VGLL4: variants seen among roughly 807,000 people sequenced by gnomAD.
VGLL4 encodes the protein transcription cofactor vestigial-like protein 4.
A neutral mutation model predicts 21.0 loss-of-function variants in VGLL4; 7 were observed. The observed-to-expected ratio is 0.33, with a 90% confidence interval of 0.19 to 0.63. VGLL4 has a LOEUF of 0.63. Ranked by LOEUF, VGLL4 falls within the 20% of genes least tolerant of loss-of-function variation. VGLL4 has a pLI of 0.78. For missense variants in VGLL4, 394 were observed against 425.7 expected (o/e 0.93, Z 0.66); for synonymous variants, 222 against 173.2 (o/e 1.28, Z -2.21).
At chr3:11,562,688 C>T (rs1044591667) in intron 3 of VGLL4, among the ~76,000 whole-genome samples, 2 of 152,208 alleles carry the variant, frequency 1.3e-5, no homozygotes, top group East Asian at 1.9e-4. Context: ...CGAATGGTTA[C>T]GACATGAATG....
At chr3:11,682,093 T>C (rs563908603) in intron 2 of VGLL4, among the ~76,000 whole-genome samples, 1 of 152,196 alleles carries the variant, frequency 6.6e-6, no homozygotes, top group South Asian at 2.1e-4. Context: ...ATGCTGTCTC[T>C]AATAAAATTA....
Position 11,566,825 on chromosome 3 carries a change from T to C in VGLL4, c.273-1806A>G, listed in dbSNP as rs1026795538. Reference sequence around the variant, plus strand: ...GCCCCTCCTCACACACGGCAGCCTCTGAGGGCGTCGAGTCCCTCCTGTCTC... The same window carrying C: ...GCCCCTCCTCACACACGGCAGCCTCCGAGGGCGTCGAGTCCCTCCTGTCTC... On this transcript the variant is annotated intron_variant, in intron 2 of 4. Transcript: ENST00000430365. 3.3e-5 allele frequency among the ~76,000 whole-genome samples: 5 copies of C among 152,162 alleles called. No individual in the cohort carries two copies. In the East Asian group the frequency reaches 9.6e-4, roughly 29 times the overall value.
intron 2 of VGLL4, among the ~76,000 whole-genome samples, chr3:11,667,697 T>G (rs2076146883): frequency 6.6e-6 from 1 of 152,182 alleles, no homozygotes; most frequent in Admixed American, 6.6e-5. Flanking sequence ...ATTACAAATT[T>G]CTTCAAAAGG....
At chr3:11,578,678 G>C (rs1431783534) in intron 2 of VGLL4, among the ~76,000 whole-genome samples, 2 of 149,242 alleles carry the variant, frequency 1.3e-5, no homozygotes, top group Non-Finnish European at 3.0e-5. Flanking sequence ...TTGAAAATTT[G>C]AGTATTGAGT....
intron 2 of VGLL4, among the ~76,000 whole-genome samples, chr3:11,663,332 C>T (rs17035040): frequency 0.02 from 3,016 of 152,252 alleles, 93 homozygotes; most frequent in African/African-American, 0.065. Context: ...AATAAGTTGG[C>T]GTTTAAAGCT....
At position 11,629,640 on chromosome 3, in the gene VGLL4, G is replaced by A. The variant is rs1157753574; in HGVS notation, c.82+13797C>T. Among the ~76,000 whole-genome samples the A allele has an allele frequency of 5.9e-5, 9 of 151,800 alleles. 1 individual carries two copies. Among genetic ancestry groups the A allele is most frequent in the South Asian group, 2.1e-4 (1 of 4,828 alleles). On this transcript the variant is annotated intron_variant, in intron 1 of 4. Transcript: ENST00000430365. Reference sequence around the variant, plus strand: ...CAAGCGCCTGTAATCCCACCTACTCGGGAGGCTGAGGTAGGAGAATCACTT... The same window carrying A: ...CAAGCGCCTGTAATCCCACCTACTCAGGAGGCTGAGGTAGGAGAATCACTT...
At position 11,653,393 on chromosome 3, in the gene VGLL4, C is replaced by A. The variant is rs2075906934; in HGVS notation, c.64+49578G>T. ...TAGAAAGAGAATCGTATGATGCTAG[C>A]TACTCTTGTGGCTGGATTCCTTCAC... is the stretch of plus-strand genomic sequence containing the variant. On this transcript the variant is annotated intron_variant, in intron 2 of 5. Transcript: ENST00000273038. The surrounding 1 kb of genome is among the most constrained non-coding windows in gnomAD (Gnocchi z 4.2). Among the ~76,000 whole-genome samples, 1 of 152,182 alleles carries A rather than the reference C, an allele frequency of 6.6e-6. No individual in the cohort carries two copies. The highest frequency in any genetic ancestry group is 2.1e-4 in the South Asian group (1 of 4,822).
intron 2 of VGLL4, among the ~76,000 whole-genome samples, chr3:11,677,079 G>A (rs1486143611): frequency 5.3e-5 from 8 of 152,058 alleles, no homozygotes; most frequent in South Asian, 4.1e-4. Context: ...TAGTTTTATT[G>A]TTAAATATTT....
intron 2 of VGLL4, among the ~76,000 whole-genome samples, chr3:11,660,937 T>C (rs934159889): frequency 2.6e-5 from 4 of 152,162 alleles, no homozygotes; most frequent in Non-Finnish European, 4.4e-5. Flanking sequence ...GAGAAAAAGA[T>C]TGAATACCAA....
At chr3:11,704,897 C>T (rs955735076) in intron 1 of VGLL4, among the ~76,000 whole-genome samples, 6 of 152,174 alleles carry the variant, frequency 3.9e-5, no homozygotes, top group Admixed American at 3.9e-4. Flanking sequence ...CAGATGAATT[C>T]TGAAAGGCTT....
At chr3:11,697,475 A>G (rs1440092906) in intron 2 of VGLL4, among the ~76,000 whole-genome samples, 1 of 152,136 alleles carries the variant, frequency 6.6e-6, no homozygotes. Context: ...TGCTGAGAGA[A>G]AAGGAGAGAG....
chr3:11,599,029 G>A (rs1279611457), intron 2 of VGLL4, among the ~76,000 whole-genome samples: 1 of 152,154 alleles, frequency 6.6e-6, no homozygotes, highest in Non-Finnish European at 1.5e-5. Context: ...GCATGCTATA[G>A]CCCAAATAGG....
intron 2 of VGLL4, among the ~76,000 whole-genome samples, chr3:11,685,913 A>G (rs2076440790): frequency 6.6e-6 from 1 of 152,240 alleles, no homozygotes; most frequent in East Asian, 1.9e-4. Context: ...AATCAGCTAT[A>G]CAAATAGCCA....
At chr3:11,641,460 CA>C (rs1414538332) in intron 1 of VGLL4, among the ~76,000 whole-genome samples, 1 of 152,064 alleles carries the variant, frequency 6.6e-6, no homozygotes, top group Admixed American at 6.6e-5. Flanking sequence ...ACTTTTCCTA[CA>C]AAAAAATCCC....
At position 11,627,595 on chromosome 3, in the gene VGLL4, C is replaced by CA. The variant is rs57607183; in HGVS notation, c.82+15841dup. Among the ~76,000 whole-genome samples the CA allele has an allele frequency of 5.1e-3, 607 of 118,602 alleles. 6 individuals are homozygous for CA. Among genetic ancestry groups the CA allele is most frequent in the East Asian group, 0.027 (108 of 3,970 alleles). 77.8% of individuals were successfully genotyped at this position (118,602 alleles called of 152,430 possible). On this transcript the variant is annotated intron_variant, in intron 1 of 4. Transcript: ENST00000430365. ...GAGTGACAAGAGTGAAACTTCATCTCAAAAAAAAAAAAAAAAAAAAAAATC... is the reference window on the plus strand; with the variant it reads ...GAGTGACAAGAGTGAAACTTCATCTCAAAAAAAAAAAAAAAAAAAAAAAATC...
chr3:11,658,706 T>A (rs1029228109), intron 2 of VGLL4, among the ~76,000 whole-genome samples: 3 of 150,370 alleles, frequency 2.0e-5, no homozygotes, highest in African/African-American at 7.4e-5. Flanking sequence ...ATGCCCTAAA[T>A]TCTCACTCAT....
At chr3:11,619,507 TGC>T (rs2075224807) in intron 1 of VGLL4, among the ~76,000 whole-genome samples, 1 of 152,170 alleles carries the variant, frequency 6.6e-6, no homozygotes, top group Non-Finnish European at 1.5e-5. Flanking sequence ...GGGTGTGTAA[TGC>T]AATGAAGCTT....
intron 2 of VGLL4, among the ~76,000 whole-genome samples, chr3:11,651,030 G>C (rs947279784): frequency 6.6e-5 from 10 of 152,150 alleles, no homozygotes; most frequent in African/African-American, 1.9e-4. Flanking sequence ...ACTAAGACAA[G>C]GTTGTAAGAA....
At chr3:11,666,206 G>A (rs1575510905) in intron 2 of VGLL4, among the ~76,000 whole-genome samples, 5 of 150,634 alleles carry the variant, frequency 3.3e-5, no homozygotes, top group Admixed American at 2.7e-4. Context: ...GAGCCGAGAT[G>A]TGCCGCTGCA....
Sources: gnomAD v4.1 joint callset for allele counts (sites outside exome capture counted in the v4.1 genomes callset) on GRCh38, gnomAD v4.1.1 for gene constraint, Gnocchi (gnomAD v3.1) non-coding constraint, MANE v1.5 for transcripts, NCBI Gene and HGNC (gene_info 2026-07-23, HGNC 2026-07-21) for gene names.